PUS7L: variants seen among roughly 807,000 people sequenced by gnomAD.
PUS7L encodes pseudouridylate synthase PUS7L.
Under a neutral mutation model 51.1 loss-of-function variants are expected in PUS7L, and 49 were observed. The ratio of observed to expected loss-of-function variants is 0.96; its 90% CI spans 0.76 to 1.22. PUS7L has a LOEUF of 1.22. Ranked by LOEUF, PUS7L falls within the 50% of genes most tolerant of loss-of-function variation. The pLI, the probability that PUS7L is intolerant of heterozygous loss-of-function variation, is 0.00. For missense variants in PUS7L, 828 were observed against 820.6 expected (o/e 1.01, Z -0.11); for synonymous variants, 277 against 276.2 (o/e 1.00, Z -0.03).
At chr12:43,738,786 C>A in intron 5 of PUS7L, 1 of 271,460 alleles carries the variant, frequency 3.7e-6, no homozygotes, top group South Asian at 5.5e-5. Flanking sequence ...AAAAAATTAG[C>A]AAGTATTATA....
intron 8 of PUS7L, among the ~76,000 whole-genome samples, chr12:43,731,180 T>C (rs1213846351): frequency 6.6e-6 from 1 of 152,224 alleles, no homozygotes; most frequent in East Asian, 1.9e-4. Context: ...GAGTAAACAC[T>C]GCATTTTGTG....
Position 43,730,610 on chromosome 12 carries a change from C to T in PUS7L, c.1872G>A (p.Gln624=). 6.2e-7 allele frequency: 1 copy of T among 1,613,340 alleles called. No individual in the cohort carries two copies. The highest frequency in any genetic ancestry group is 1.3e-5 in the African/African-American group (1 of 75,018). The change falls in exon 9 of 9, where the codon CAG becomes CAA. Residue 624 remains glutamine (Q), a synonymous_variant. Transcript: ENST00000344862. ...GAGTAGGTACTTTAAACCTACATGT[C>T]TGTAGTCCATCTCTGCTAAGTATGT... is the stretch of plus-strand genomic sequence containing the variant. ...YHDILSRDGL[Q]TCRFKVPTLK...
intron 2 of PUS7L, among the ~76,000 whole-genome samples, chr12:43,753,795 C>T (rs1314910048): frequency 6.6e-6 from 1 of 152,146 alleles, no homozygotes; most frequent in Non-Finnish European, 1.5e-5. Flanking sequence ...TCTGTTTTAA[C>T]AAGAACTTTT....
chr12:43,734,033 G>A (rs894452739), intron 7 of PUS7L, among the ~76,000 whole-genome samples: 3 of 152,062 alleles, frequency 2.0e-5, no homozygotes, highest in Non-Finnish European at 4.4e-5. Context: ...TTCAAGTAGC[G>A]GCACTCTCAT....
At chr12:43,746,265 A>G in intron 3 of PUS7L, 27 bp from the exon 4 acceptor site, 1 of 1,019,600 alleles carries the variant, frequency 9.8e-7, no homozygotes, top group Non-Finnish European at 1.4e-6. Flanking sequence ...ATATAAACTC[A>G]GTTAAATTTT....
chr12:43,755,366 TTC>T (rs1196331191), intron 1 of PUS7L, 105 bp from the exon 2 acceptor site: 7 of 654,998 alleles, frequency 1.1e-5, no homozygotes, highest in East Asian at 2.8e-5. Flanking sequence ...TCTCTTTTAA[TTC>T]TGAGTCTTCT....
intron 7 of PUS7L, among the ~76,000 whole-genome samples, chr12:43,731,993 C>T (rs1171267764): frequency 1.3e-5 from 2 of 152,148 alleles, no homozygotes; most frequent in Non-Finnish European, 2.9e-5. Context: ...GAAAGGTGGG[C>T]TGCTGAAAAC....
rs1219129881 is a variant in PUS7L, at chr12:43,726,442, C to T, written c.*3934G>A. Reference sequence around the variant, plus strand: ...TGTAAAACCTAAAACTATAAAAACCCTAGAAGAAAACCTAGGAAATATCAT... The same window carrying T: ...TGTAAAACCTAAAACTATAAAAACCTTAGAAGAAAACCTAGGAAATATCAT... On this transcript the variant is annotated 3_prime_UTR_variant, in exon 9 of 9. Transcript: ENST00000344862. 1 of 152,006 alleles carries T rather than the reference C, an allele frequency of 6.6e-6. No homozygotes were observed. The highest frequency in any genetic ancestry group is 1.5e-5 in the Non-Finnish European group (1 of 68,002). 9.4% of individuals were successfully genotyped at this position (152,006 alleles called of 1,614,324 possible).
chr12:43,730,779 T>C, intron 8 of PUS7L, 77 bp from the exon 9 acceptor site: 1 of 928,442 alleles, frequency 1.1e-6, no homozygotes, highest in South Asian at 1.7e-5. Context: ...TGTACTTTTA[T>C]GACTGCGACC....
At chr12:43,744,474 C>T (rs1938068114) in intron 4 of PUS7L, among the ~76,000 whole-genome samples, 1 of 152,204 alleles carries the variant, frequency 6.6e-6, no homozygotes, top group South Asian at 2.1e-4. Context: ...GAAGAGGTGC[C>T]TTCTGCCATG....
At chr12:43,732,903 T>C (rs1944592757) in intron 7 of PUS7L, among the ~76,000 whole-genome samples, 1 of 152,210 alleles carries the variant, frequency 6.6e-6, no homozygotes, top group Admixed American at 6.5e-5. Flanking sequence ...ACAGACTACA[T>C]GGAATTATGA....
In PUS7L at chr12:43,751,241, A is replaced by G. The variant is rs961011849; in HGVS notation, c.911-2632T>C. 3.3e-5 allele frequency among the ~76,000 whole-genome samples: 5 copies of G among 151,620 alleles called. No homozygotes were observed. In the South Asian group the frequency reaches 1.0e-3, roughly 32 times the overall value. On this transcript the variant is annotated intron_variant, in intron 2 of 8. Coordinates refer to ENST00000344862, the MANE Select transcript of PUS7L (RefSeq NM_031292.5). ...ACTTTAAGTTCTAGGGTACATGTGC[A>G]CAACATGCAGGTTTGTTACATATGT...
rs952656547 is a variant in PUS7L, at chr12:43,728,383, T to C, written c.*1993A>G. 1.3e-5 allele frequency: 2 copies of C among 152,274 alleles called. No homozygotes were observed. The highest frequency in any genetic ancestry group is 2.1e-4 in the South Asian group (1 of 4,830). The allele number at this position is 152,274 out of a possible 1,614,324, so 9.4% of individuals were successfully genotyped here. A position where few individuals can be genotyped will look rare whatever the true frequency, so the allele number is the denominator to read the frequency against. ...AAGTAAAATCAATGATATATTTTCA[T>C]GCTTTCGTATTTTCTGATTGCTATT... On this transcript the variant is annotated 3_prime_UTR_variant, in exon 9 of 9. Coordinates refer to ENST00000344862, the MANE Select transcript of PUS7L (RefSeq NM_031292.5).
At position 43,737,490 on chromosome 12, in the gene PUS7L, A is replaced by G. The variant is rs1937666568; in HGVS notation, c.1444+820T>C. Among the ~76,000 whole-genome samples, 3 of 151,930 alleles carry G rather than the reference A, an allele frequency of 2.0e-5. No homozygotes were observed. In the South Asian group the frequency reaches 6.2e-4, roughly 32 times the overall value. On this transcript the variant is annotated intron_variant, in intron 6 of 8. Coordinates refer to ENST00000344862, the MANE Select transcript of PUS7L (RefSeq NM_031292.5). ...GAAAACTGACATCCTTTATTTCAAT[A>G]TAAGTGAAATTCAGTATGTCGGTCA...
Position 43,719,916 on chromosome 12 carries a change from T to G in PUS7L, c.*10460A>C, listed in dbSNP as rs1944377575. The G allele has an allele frequency of 6.6e-6, 1 of 152,204 alleles. No homozygotes were observed. The highest frequency in any genetic ancestry group is 2.1e-4 in the South Asian group (1 of 4,830). The allele number at this position is 152,204 out of a possible 1,614,324, so 9.4% of individuals were successfully genotyped here. On this transcript the variant is annotated 3_prime_UTR_variant, in exon 9 of 9. Coordinates refer to ENST00000344862, the MANE Select transcript of PUS7L (RefSeq NM_031292.5). Reference sequence around the variant, plus strand: ...ACAAACCAACTTTTGGATTTGTAGATCGTCTCTTCTATTCTGGTTTTATTT... The same window carrying G: ...ACAAACCAACTTTTGGATTTGTAGAGCGTCTCTTCTATTCTGGTTTTATTT...
At chr12:43,738,127 TC>T in intron 6 of PUS7L, 182 bp downstream of exon 6, 1 of 515,422 alleles carries the variant, frequency 1.9e-6, no homozygotes, top group Non-Finnish European at 3.4e-6. Flanking sequence ...CAAAAAAACT[TC>T]CAAATCTGAC....
chr12:43,757,123 T>C (rs893683885), intron 1 of PUS7L, among the ~76,000 whole-genome samples: 22 of 152,230 alleles, frequency 1.4e-4, no homozygotes, highest in African/African-American at 4.6e-4. Flanking sequence ...TTAGGATTCA[T>C]TTCCTCAGAG....
chr12:43,758,662 CCCCCACA>C lies in PUS7L; in HGVS notation c.-17+61_-17+67del, dbSNP rs1390834123. ...TCAATGCCAACCTCGTCACCCCCCC[CCCCCACA>C]CACACACACACACACACACATACAA... is the stretch of plus-strand genomic sequence containing the variant. On this transcript the variant is annotated intron_variant, in intron 1 of 8. Coordinates refer to ENST00000344862, the MANE Select transcript of PUS7L (RefSeq NM_031292.5). The C allele has an allele frequency of 8.9e-5, 68 of 765,824 alleles. 2 individuals are homozygous for C. In the African/African-American group the frequency reaches 2.2e-3, roughly 24 times the overall value. The allele number at this position is 765,824 out of a possible 1,614,324, so 47.4% of individuals were successfully genotyped here.
At chr12:43,738,163 C>T in intron 6 of PUS7L, 147 bp downstream of exon 6, 1 of 572,082 alleles carries the variant, frequency 1.7e-6, no homozygotes, top group Admixed American at 3.3e-5. Context: ...GTGCCTAAGT[C>T]ATGTAATAAA....
Sources: allele counts gnomAD v4.1 joint callset (sites outside exome capture counted in the v4.1 genomes callset), GRCh38; gene constraint gnomAD v4.1.1; transcripts MANE v1.5; gene names NCBI Gene and HGNC (gene_info 2026-07-23, HGNC 2026-07-21).